DGKH: variants seen among roughly 807,000 people sequenced by gnomAD.
The protein encoded by DGKH is diacylglycerol kinase eta.
A neutral mutation model predicts 159.3 loss-of-function variants in DGKH; 90 were observed. The ratio of observed to expected loss-of-function variants is 0.57; its 90% CI spans 0.48 to 0.67. The LOEUF (loss-of-function observed/expected upper bound fraction) is 0.67, where lower values mean the gene tolerates loss of function less well. Ranked by LOEUF, DGKH falls within the 30% of genes least tolerant of loss-of-function variation. The pLI is 0.00. For missense variants in DGKH, 1,181 were observed against 1,506.1 expected, an observed-to-expected ratio of 0.78 and a Z score of 3.57; for synonymous variants, 536 against 553.8, an observed-to-expected ratio of 0.97 and a Z score of 0.45.
chr13:42,221,255 C>G lies in DGKH; in HGVS notation c.3443-9C>G. The G allele has an allele frequency of 6.2e-7, 1 of 1,612,930 alleles. No individual in the cohort carries two copies. Among genetic ancestry groups the G allele is most frequent in the Non-Finnish European group, 8.5e-7 (1 of 1,179,272 alleles). The stretch of plus-strand genomic sequence containing the variant: ...GAAATTAAGGGGGTTTTGCTCTTAA[C>G]TTTGGTAGTTCAGAAATGGGGCACA... On this transcript the variant is annotated splice_polypyrimidine_tract_variant and intron_variant, in intron 28 of 29. Coordinates refer to ENST00000337343, the MANE Select transcript of DGKH (RefSeq NM_178009.5).
chr13:42,044,030 G>A (rs372586197), upstream of DGKH: 11 of 152,094 alleles, frequency 7.2e-5, no homozygotes, highest in Non-Finnish European at 1.2e-4. Context: ...ATAGATGGGC[G>A]TGGTGGTGCG....
intron 1 of DGKH, among the ~76,000 whole-genome samples, chr13:42,053,226 A>G (rs1417812494): frequency 6.6e-6 from 1 of 151,940 alleles, no homozygotes; most frequent in Non-Finnish European, 1.5e-5. Context: ...TATCTGGATT[A>G]AGATATATTT....
rs1385494949 is a variant in DGKH, at chr13:42,129,618, A to G, written c.370A>G (p.Asn124Asp). 1 of 1,612,476 alleles carries G rather than the reference A, an allele frequency of 6.2e-7. No individual in the cohort carries two copies. The highest frequency in any genetic ancestry group is 8.5e-7 in the Non-Finnish European group (1 of 1,179,190). Residue 124 changes from asparagine (N) to aspartate (D), a missense_variant, in exon 3 of 30, where the codon AAC (asparagine) becomes GAC (aspartate). Transcript: ENST00000337343. Reference protein sequence around the residue: ...SVAEASTKNANNSFTIITPFR... With the variant: ...SVAEASTKNADNSFTIITPFR... ...AGCTGAAGCAAGCACGAAAAATGCT[A>G]ACAACAGCTTCACGGTATGGTTATA... is the stretch of plus-strand genomic sequence containing the variant.
intron 20 of DGKH, among the ~76,000 whole-genome samples, chr13:42,203,919 T>C (rs1957401614): frequency 6.6e-6 from 1 of 152,230 alleles, no homozygotes; most frequent in Admixed American, 6.5e-5. Context: ...AAGTTTTTCC[T>C]GGATATGAGA....
At chr13:42,206,208 C>CT in intron 21 of DGKH, 62 bp downstream of exon 21, 1 of 1,150,548 alleles carries the variant, frequency 8.7e-7, no homozygotes. Flanking sequence ...GAATAATTTG[C>CT]TTTTGTAAAT....
At chr13:42,206,975 T>TTTTCTTTTTCTCTTTCTTTCTTTC (rs1555275937) in intron 21 of DGKH, among the ~76,000 whole-genome samples, 1 of 82,310 alleles carries the variant, frequency 1.2e-5, no homozygotes, top group South Asian at 4.1e-4. Context: ...TACTTTTACT[T>TTTTCTTTTTCTCTTTCTTTCTTTC]TTTCTTTCTT....
chr13:42,161,454 C>T (rs576562479), intron 7 of DGKH, among the ~76,000 whole-genome samples: 34 of 151,680 alleles, frequency 2.2e-4, no homozygotes, highest in Admixed American at 5.3e-4. Flanking sequence ...CAAGACCATC[C>T]TGGCTAACAC....
intron 1 of DGKH, among the ~76,000 whole-genome samples, chr13:42,091,363 G>A (rs1954414131): frequency 6.6e-6 from 1 of 152,098 alleles, no homozygotes; most frequent in Non-Finnish European, 1.5e-5. Flanking sequence ...ACACTATCAA[G>A]GTTGAAAAGG....
At position 42,187,128 on chromosome 13, in the gene DGKH, G is replaced by T; in HGVS notation, c.1618G>T (p.Ala540Ser). Residue 540 changes from alanine to serine, a missense_variant, in exon 14 of 30, where the codon GCT becomes TCT. Ala to Ser is a moderately conservative substitution (Grantham distance 99). Transcript: ENST00000337343. ...CAAAACCTTGGAAAATGCCGTTGTAGCTGATGCCGTGGCCAGTAAAGTAAG... is the reference window on the plus strand; with the variant it reads ...CAAAACCTTGGAAAATGCCGTTGTATCTGATGCCGTGGCCAGTAAAGTAAG... ...YDKTLENAVV[A>S]DAVASKCSVL... 1 of 1,614,046 alleles carries T rather than the reference G, an allele frequency of 6.2e-7. No homozygotes were observed. The highest frequency in any genetic ancestry group is 8.5e-7 in the Non-Finnish European group (1 of 1,179,932).
At chr13:42,129,714 T>A in intron 3 of DGKH, 82 bp downstream of exon 3, 1 of 1,280,988 alleles carries the variant, frequency 7.8e-7, no homozygotes, top group Non-Finnish European at 1.1e-6. Context: ...CCTGTTCAAT[T>A]ACAAACTGTT....
At chr13:42,219,627 A>G in intron 27 of DGKH, 59 bp from the exon 28 acceptor site, 1 of 1,370,274 alleles carries the variant, frequency 7.3e-7, no homozygotes, top group Non-Finnish European at 9.9e-7. Flanking sequence ...CTATTATCAG[A>G]GTAGGTTTTT....
chr13:42,221,202 C>T, intron 28 of DGKH, 62 bp from the exon 29 acceptor site: 2 of 1,589,318 alleles, frequency 1.3e-6, no homozygotes, highest in South Asian at 1.2e-5. Context: ...TTTGGCCAAC[C>T]TTTGCTTTGT....
At chr13:42,068,396 T>C (rs1410916918) in intron 1 of DGKH, among the ~76,000 whole-genome samples, 1 of 152,216 alleles carries the variant, frequency 6.6e-6, no homozygotes, top group East Asian at 1.9e-4. Context: ...AAGTGCGTTT[T>C]GTGAAGCACT....
chr13:42,160,851 CTA>C (rs1303909384), intron 7 of DGKH, among the ~76,000 whole-genome samples: 2 of 152,178 alleles, frequency 1.3e-5, no homozygotes, highest in East Asian at 3.9e-4. Context: ...TATGGAAAAA[CTA>C]TTGTTTTTGG....
chr13:42,076,787 G>T lies in DGKH; in HGVS notation c.192+27822G>T, dbSNP rs1417776235. Among the ~76,000 whole-genome samples the T allele has an allele frequency of 2.0e-5, 3 of 152,070 alleles. No homozygotes were observed. In the East Asian group the frequency reaches 5.8e-4, roughly 29 times the overall value. ...TAGATTTTTTTCTTTCTACAGATGT[G>T]ACAGTGTAATTCATCCAAGGGAAGC... On this transcript the variant is annotated intron_variant, in intron 1 of 29. Transcript: ENST00000337343.
At chr13:42,245,058 G>C (rs893513432), downstream of DGKH, among the ~76,000 whole-genome samples, 3 of 152,132 alleles carry the variant, frequency 2.0e-5, no homozygotes, top group Admixed American at 2.0e-4. Flanking sequence ...GCAGGGATTG[G>C]GGGTAGAGGT....
chr13:42,183,041 C>T (rs1413196560), intron 13 of DGKH, among the ~76,000 whole-genome samples: 1 of 152,108 alleles, frequency 6.6e-6, no homozygotes, highest in Non-Finnish European at 1.5e-5. Context: ...ATAATCTCAA[C>T]ACTTTGGGAG....
intron 3 of DGKH, among the ~76,000 whole-genome samples, chr13:42,152,774 G>C (rs1440407420): frequency 6.6e-6 from 1 of 152,056 alleles, no homozygotes; most frequent in Admixed American, 6.6e-5. Flanking sequence ...GACATTAAGA[G>C]GGGACAGTTC....
chr13:42,080,888 A>C (rs1954187039), intron 1 of DGKH, among the ~76,000 whole-genome samples: 1 of 152,154 alleles, frequency 6.6e-6, no homozygotes, highest in Non-Finnish European at 1.5e-5. Context: ...TATTGAATTT[A>C]ATAGTTTAGA....
Sources: allele counts gnomAD v4.1 joint callset (sites outside exome capture counted in the v4.1 genomes callset), GRCh38; gene constraint gnomAD v4.1.1; transcripts MANE v1.5; gene names NCBI Gene and HGNC (gene_info 2026-07-23, HGNC 2026-07-21).